Variants in ABHD17C observed in about 807,000 individuals in gnomAD.
The protein encoded by ABHD17C is alpha/beta hydrolase domain-containing protein 17C.
ABHD17C carries 11 observed loss-of-function variants against 27.9 expected under a neutral mutation model. The ratio of observed to expected loss-of-function variants is 0.39; its 90% CI spans 0.25 to 0.65. The LOEUF (loss-of-function observed/expected upper bound fraction) is 0.65. ABHD17C is among the 30% of genes least tolerant of loss of function. The probability of loss-of-function intolerance (pLI) is 0.45; values close to 1 mark genes in which losing one functional copy is unlikely to be tolerated. For synonymous variants in ABHD17C, 233 were observed against 209.1 expected (o/e 1.11, Z -0.98); for missense variants, 280 against 470.2 (o/e 0.60, Z 3.74).
At chr15:80,743,515 C>A (rs557481977) in intron 1 of ABHD17C, among the ~76,000 whole-genome samples, 2 of 152,188 alleles carry the variant, frequency 1.3e-5, no homozygotes, top group African/African-American at 4.8e-5. Context: ...CATTGTGATA[C>A]TCCCCAAAAT....
At chr15:80,735,567 CT>C (rs1895119116) in intron 1 of ABHD17C, among the ~76,000 whole-genome samples, 2 of 152,146 alleles carry the variant, frequency 1.3e-5, no homozygotes, top group Non-Finnish European at 2.9e-5. Context: ...TTTTACGCCC[CT>C]GCCGCTGCCT....
chr15:80,726,111 G>T (rs1894970511), intron 1 of ABHD17C, among the ~76,000 whole-genome samples: 1 of 152,244 alleles, frequency 6.6e-6, no homozygotes, highest in African/African-American at 2.4e-5. Context: ...CAAATTAAAG[G>T]AATAGATTGG....
At chr15:80,718,312 A>C (rs1323137622) in intron 1 of ABHD17C, among the ~76,000 whole-genome samples, 3 of 151,416 alleles carry the variant, frequency 2.0e-5, no homozygotes, top group Admixed American at 2.0e-4. Flanking sequence ...TCTTCTTGTA[A>C]TTTTATTTTA....
chr15:80,713,670 G>A (rs1393965444), intron 1 of ABHD17C, among the ~76,000 whole-genome samples: 5 of 151,976 alleles, frequency 3.3e-5, no homozygotes, highest in South Asian at 2.1e-4. Flanking sequence ...TTAGCCGAGC[G>A]TGGTGGCAGG....
chr15:80,714,350 C>T (rs1034092450), intron 1 of ABHD17C, among the ~76,000 whole-genome samples: 1 of 152,218 alleles, frequency 6.6e-6, no homozygotes, highest in African/African-American at 2.4e-5. Flanking sequence ...ACACATTTCA[C>T]ACATTACATA....
At chr15:80,714,569 C>G (rs1894777709) in intron 1 of ABHD17C, among the ~76,000 whole-genome samples, 1 of 152,052 alleles carries the variant, frequency 6.6e-6, no homozygotes, top group African/African-American at 2.4e-5. Flanking sequence ...TCCAAGGTGG[C>G]GGGGGGTGGA....
intron 1 of ABHD17C, among the ~76,000 whole-genome samples, chr15:80,740,028 G>C (rs1822606322): frequency 6.6e-6 from 1 of 152,112 alleles, no homozygotes; most frequent in South Asian, 2.1e-4. Flanking sequence ...GCCTGGGTTT[G>C]TTTTCATTTG....
chr15:80,743,772 A>G (rs1895245310), intron 1 of ABHD17C, among the ~76,000 whole-genome samples: 1 of 152,048 alleles, frequency 6.6e-6, no homozygotes, highest in Non-Finnish European at 1.5e-5. Flanking sequence ...TTTTTAGTAG[A>G]GATAAGGTTT....
At chr15:80,727,391 G>A (rs1567035329) in intron 1 of ABHD17C, among the ~76,000 whole-genome samples, 1 of 152,148 alleles carries the variant, frequency 6.6e-6, no homozygotes, top group South Asian at 2.1e-4. Flanking sequence ...GCCCCATGGT[G>A]CTTCTGTTAA....
At chr15:80,703,993 A>G (rs558405108) in intron 1 of ABHD17C, among the ~76,000 whole-genome samples, 22 of 152,256 alleles carry the variant, frequency 1.4e-4, no homozygotes, top group Non-Finnish European at 2.9e-4. Context: ...TTGTGCCAAT[A>G]TACTATAATG....
In ABHD17C at chr15:80,754,459, A is replaced by G; in HGVS notation, c.*89A>G. 1.7e-6 allele frequency: 2 copies of G among 1,169,642 alleles called. No individual in the cohort carries two copies. The highest frequency in any genetic ancestry group is 2.9e-4 in the Middle Eastern group (1 of 3,504). 72.5% of individuals were successfully genotyped at this position (1,169,642 alleles called of 1,614,324 possible). A position where few individuals can be genotyped will look rare whatever the true frequency, so the allele number is the denominator to read the frequency against. On this transcript the variant is annotated 3_prime_UTR_variant, in exon 3 of 3. Transcript: ENST00000258884. Reference sequence around the variant, plus strand: ...TTAACTGGGTAGCTGTAAAGGCTTGATAACCATGAAGAAGTGCCCAACCTT... The same window carrying G: ...TTAACTGGGTAGCTGTAAAGGCTTGGTAACCATGAAGAAGTGCCCAACCTT...
rs71894538 is a variant in ABHD17C at position 80,723,132 on chromosome 15, G to GTA, written c.591-26375_591-26374dup. Among the ~76,000 whole-genome samples the GTA allele has an allele frequency of 5.8e-3, 599 of 103,174 alleles. 1 individual carries two copies. Among genetic ancestry groups the GTA allele is most frequent in the African/African-American group, 0.024 (579 of 23,838 alleles). 67.7% of individuals were successfully genotyped at this position (103,174 alleles called of 152,430 possible). ...GCTGTATTCCATTGTTTGTGTGTGT[G>GTA]TATATATGTGTGTGTGTGTGTGTGT... On this transcript the variant is annotated intron_variant, in intron 1 of 2. Coordinates refer to ENST00000258884, the MANE Select transcript of ABHD17C (RefSeq NM_021214.2).
chr15:80,721,391 G>C (rs1404167511), intron 1 of ABHD17C, among the ~76,000 whole-genome samples: 1 of 152,016 alleles, frequency 6.6e-6, no homozygotes, highest in African/African-American at 2.4e-5. Flanking sequence ...AGCTTTCCTT[G>C]TATGTTGGTA....
At chr15:80,704,703 C>T (rs1282864172) in intron 1 of ABHD17C, 3 of 152,236 alleles carry the variant, frequency 2.0e-5, no homozygotes, top group African/African-American at 4.8e-5. Context: ...CTGAGTCAGG[C>T]TTCTGCCCCT....
chr15:80,727,473 C>CTCT (rs1036714006), intron 1 of ABHD17C, among the ~76,000 whole-genome samples: 1 of 152,214 alleles, frequency 6.6e-6, no homozygotes, highest in African/African-American at 2.4e-5. Context: ...CTTTGAGCCA[C>CTCT]TCTTGATCCT....
At position 80,754,280 on chromosome 15, in the gene ABHD17C, T is replaced by A. The variant is rs753121180; in HGVS notation, c.900T>A (p.Val300=). The change falls in exon 3 of 3, where the codon GTT becomes GTA. Residue 300 remains valine, a synonymous_variant. Coordinates refer to ENST00000258884, the MANE Select transcript of ABHD17C (RefSeq NM_021214.2). ...CCCGAGCCGTGGAGCCCCTTTGGGT[T>A]GAAGGGGCTGGGCATAATGACATAG... ...RCPRAVEPLW[V]EGAGHNDIEL... is the part of the protein sequence containing the mutation. The A allele has an allele frequency of 1.2e-6, 2 of 1,613,912 alleles. No homozygotes were observed. The highest frequency in any genetic ancestry group is 1.7e-6 in the Non-Finnish European group (2 of 1,179,846).
rs1424366397 is a variant in ABHD17C, at chr15:80,695,585, C to T, written c.156C>T (p.Ala52=). 1.5e-5 allele frequency: 17 copies of T among 1,109,860 alleles called. No individual in the cohort carries two copies. The highest frequency in any genetic ancestry group is 5.1e-5 in the Admixed American group (1 of 19,568). The allele number at this position is 1,109,860 out of a possible 1,614,324, so 68.8% of individuals were successfully genotyped here. ...TGCTGGCGCCGGAGCAGCGCGGCGC[C>T]GGCGCGTCCGCCCCGGCCCCGGCCC... The part of the protein sequence containing the change: ...YTVLAPEQRG[A]GASAPAPAQA... Residue 52 remains alanine, a synonymous_variant, in exon 1 of 3, where the codon GCC becomes GCT. Coordinates refer to ENST00000258884, the MANE Select transcript of ABHD17C (RefSeq NM_021214.2). The surrounding 1 kb of genome is among the most constrained non-coding windows in gnomAD (Gnocchi z 4.3).
chr15:80,722,195 A>G (rs1349530797), intron 1 of ABHD17C, among the ~76,000 whole-genome samples: 2 of 150,586 alleles, frequency 1.3e-5, no homozygotes, highest in Admixed American at 6.6e-5. Flanking sequence ...CTGTCTTCCT[A>G]TTCTCTCTGC....
chr15:80,745,056 T>G (rs1389841433), intron 1 of ABHD17C, among the ~76,000 whole-genome samples: 1 of 152,206 alleles, frequency 6.6e-6, no homozygotes, highest in African/African-American at 2.4e-5. Flanking sequence ...AAAGAATTTT[T>G]TTGTCATGAA....
Sources: gnomAD v4.1 joint callset for allele counts (sites outside exome capture counted in the v4.1 genomes callset) on GRCh38, gnomAD v4.1.1 for gene constraint, Gnocchi (gnomAD v3.1) non-coding constraint, MANE v1.5 for transcripts, NCBI Gene and HGNC (gene_info 2026-07-23, HGNC 2026-07-21) for gene names.